SLC24A3: variants seen among roughly 807,000 people sequenced by gnomAD.
SLC24A3 encodes the protein solute carrier family 24 member 3.
SLC24A3 carries 28 observed loss-of-function variants against 75.8 expected under a neutral mutation model. The ratio of observed to expected loss-of-function variants is 0.37; its 90% CI spans 0.27 to 0.51. The LOEUF (loss-of-function observed/expected upper bound fraction) is 0.51. Among genes scored for constraint, SLC24A3 ranks in the 20% least tolerant of loss-of-function variants. The pLI, the probability that SLC24A3 is intolerant of heterozygous loss-of-function variation, is 0.94. For missense variants in SLC24A3, 663 were observed against 847.8 expected (o/e 0.78, Z 2.71); for synonymous variants, 372 against 334.1 (o/e 1.11, Z -1.24).
rs181061239 is a variant in SLC24A3, at chr20:19,264,490, C to T, written c.143-16469C>T. Among the ~76,000 whole-genome samples the T allele has an allele frequency of 6.9e-3, 1,050 of 151,876 alleles. 4 individuals carry two copies. Among genetic ancestry groups the T allele is most frequent in the Non-Finnish European group, 9.7e-3 (661 of 67,962 alleles). ...CAGTCTGCCCAGCACTTTGGGAGGC[C>T]GAGGCGGGTGGATTGCCTGAGCTCA... is the stretch of plus-strand genomic sequence containing the variant. On this transcript the variant is annotated intron_variant, in intron 1 of 16. Coordinates refer to ENST00000328041, the MANE Select transcript of SLC24A3 (RefSeq NM_020689.4).
intron 3 of SLC24A3, among the ~76,000 whole-genome samples, chr20:19,556,450 T>A (rs1600279130): frequency 6.6e-6 from 1 of 152,260 alleles, no homozygotes; most frequent in East Asian, 1.9e-4. Context: ...GCTGAATAAT[T>A]TCACCATTAA....
chr20:19,456,586 G>A (rs1030918804), intron 2 of SLC24A3, among the ~76,000 whole-genome samples: 8 of 152,220 alleles, frequency 5.3e-5, no homozygotes, highest in African/African-American at 1.2e-4. Flanking sequence ...TATTGGCAGC[G>A]TGAAAATGGA....
intron 2 of SLC24A3, among the ~76,000 whole-genome samples, chr20:19,375,158 C>T (rs951789784): frequency 1.3e-5 from 2 of 152,220 alleles, no homozygotes; most frequent in East Asian, 3.9e-4. Flanking sequence ...TCAGGGTTTG[C>T]TTCTGGGAGA....
At chr20:19,457,068 A>C (rs1987590531) in intron 2 of SLC24A3, among the ~76,000 whole-genome samples, 1 of 152,224 alleles carries the variant, frequency 6.6e-6, no homozygotes, top group South Asian at 2.1e-4. Context: ...GAAAAACTGC[A>C]AAGGGCATCC....
intron 6 of SLC24A3, among the ~76,000 whole-genome samples, chr20:19,602,408 GC>G (rs147363221): frequency 0.052 from 7,884 of 152,096 alleles, 295 homozygotes; most frequent in Non-Finnish European, 0.068. Flanking sequence ...CCACACACAA[GC>G]CCCCACAGTG....
At position 19,659,816 on chromosome 20, in the gene SLC24A3, C is replaced by T. The variant is rs186522589; in HGVS notation, c.687+5680C>T. 1.6e-3 allele frequency among the ~76,000 whole-genome samples: 250 copies of T among 152,246 alleles called. 3 individuals carry two copies. The highest frequency in any genetic ancestry group is 4.8e-3 in the African/African-American group (198 of 41,548). On this transcript the variant is annotated intron_variant, in intron 7 of 16. Transcript: ENST00000328041. The stretch of plus-strand genomic sequence containing the variant: ...AGTCTTTAAAATCATCCTACCCCAC[C>T]GCCCACTCCCCCTGTTAGAGACGAG...
intron 2 of SLC24A3, among the ~76,000 whole-genome samples, chr20:19,416,701 G>A (rs1184134796): frequency 6.6e-6 from 1 of 152,196 alleles, no homozygotes; most frequent in African/African-American, 2.4e-5. Context: ...TTAAATAGGA[G>A]AGTTGAGTAG....
chr20:19,272,933 A>C (rs768434109), intron 1 of SLC24A3, among the ~76,000 whole-genome samples: 1 of 152,148 alleles, frequency 6.6e-6, no homozygotes, highest in African/African-American at 2.4e-5. Flanking sequence ...GTTTTTGTGA[A>C]GGAAGTCCTG....
intron 15 of SLC24A3, among the ~76,000 whole-genome samples, chr20:19,700,213 C>T (rs756489477): frequency 1.3e-5 from 2 of 152,158 alleles, no homozygotes; most frequent in South Asian, 2.1e-4. Flanking sequence ...TAGCCCAACA[C>T]GGGATTGGTT....
At chr20:19,521,867 C>T (rs968680413) in intron 3 of SLC24A3, among the ~76,000 whole-genome samples, 9 of 152,154 alleles carry the variant, frequency 5.9e-5, no homozygotes, top group Non-Finnish European at 1.0e-4. Flanking sequence ...CCCCAGCCCC[C>T]ATCTCCTCCA....
intron 2 of SLC24A3, among the ~76,000 whole-genome samples, chr20:19,302,273 C>A (rs1367040673): frequency 1.3e-5 from 2 of 152,160 alleles, no homozygotes; most frequent in Non-Finnish European, 2.9e-5. Context: ...TAGTAGATCG[C>A]CAAGCTGTAG....
At chr20:19,319,238 GCT>G in intron 2 of SLC24A3, among the ~76,000 whole-genome samples, 1 of 152,174 alleles carries the variant, frequency 6.6e-6, no homozygotes, top group Admixed American at 6.5e-5. Flanking sequence ...GTAGGGGCTG[GCT>G]GGGCTTAATT....
intron 3 of SLC24A3, among the ~76,000 whole-genome samples, chr20:19,526,279 T>C (rs1464303576): frequency 6.6e-6 from 1 of 152,166 alleles, no homozygotes; most frequent in African/African-American, 2.4e-5. Context: ...CCAGGATTAG[T>C]GTGGAGGTCA....
At chr20:19,681,215 A>T (rs1352205400) in intron 9 of SLC24A3, among the ~76,000 whole-genome samples, 2 of 152,216 alleles carry the variant, frequency 1.3e-5, no homozygotes, top group Non-Finnish European at 2.9e-5. Flanking sequence ...TCACTTGATC[A>T]TTCTGGAGGA....
At chr20:19,269,781 A>T (rs1035906955) in intron 1 of SLC24A3, among the ~76,000 whole-genome samples, 5 of 152,308 alleles carry the variant, frequency 3.3e-5, no homozygotes, top group African/African-American at 1.2e-4. Flanking sequence ...CTCCATCATC[A>T]GGTGAGGTGG....
chr20:19,409,480 GA>G (rs141313414), intron 2 of SLC24A3, among the ~76,000 whole-genome samples: 2,892 of 152,280 alleles, frequency 0.019, 89 homozygotes, highest in African/African-American at 0.064. Flanking sequence ...AAGTGAACTA[GA>G]AAAGGTTCTG....
At chr20:19,312,048 A>T (rs1242391625) in intron 2 of SLC24A3, among the ~76,000 whole-genome samples, 1 of 152,202 alleles carries the variant, frequency 6.6e-6, no homozygotes, top group Non-Finnish European at 1.5e-5. Context: ...TATAAGAACA[A>T]TAAACTCAGA....
At chr20:19,525,675 G>T (rs1237219187) in intron 3 of SLC24A3, among the ~76,000 whole-genome samples, 2 of 152,148 alleles carry the variant, frequency 1.3e-5, no homozygotes, top group Non-Finnish European at 2.9e-5. Flanking sequence ...ACGTCATGGG[G>T]TTTGCATACT....
chr20:19,375,881 G>C (rs1986075368), intron 2 of SLC24A3, among the ~76,000 whole-genome samples: 1 of 152,192 alleles, frequency 6.6e-6, no homozygotes, highest in South Asian at 2.1e-4. Context: ...ACTTGGTAAA[G>C]GTGAACTAGA....
Sources: gnomAD v4.1 joint callset for allele counts (sites outside exome capture counted in the v4.1 genomes callset) on GRCh38, gnomAD v4.1.1 for gene constraint, MANE v1.5 for transcripts, NCBI Gene and HGNC (gene_info 2026-07-23, HGNC 2026-07-21) for gene names.